The following GRK3 variants were observed in gnomAD, a reference collection of about 807,000 sequenced individuals.
GRK3 encodes adrenergic, beta, receptor kinase 2.
A neutral mutation model predicts 95.7 loss-of-function variants in GRK3; 54 were observed. The ratio of observed to expected loss-of-function variants is 0.56; its 90% CI spans 0.45 to 0.71. GRK3 has a LOEUF of 0.71. Among genes scored for constraint, GRK3 ranks in the 30% least tolerant of loss-of-function variants. The pLI is 0.00. For synonymous variants in GRK3, 281 were observed against 290.8 expected (o/e 0.97, Z 0.34); for missense variants, 649 against 851.2 (o/e 0.76, Z 2.96).
intron 2 of GRK3, among the ~76,000 whole-genome samples, chr22:25,613,324 C>A (rs1031828092): frequency 1.3e-5 from 2 of 151,292 alleles, no homozygotes; most frequent in Non-Finnish European, 2.9e-5. Flanking sequence ...CAGTTCCCAC[C>A]CTGCCTTATC....
At chr22:25,678,011 A>T (rs894463092) in intron 8 of GRK3, among the ~76,000 whole-genome samples, 1 of 152,218 alleles carries the variant, frequency 6.6e-6, no homozygotes, top group Non-Finnish European at 1.5e-5. Context: ...TCTTTGTATT[A>T]TTTAAAACGT....
rs374426741 is a variant in GRK3 at position 25,696,344 on chromosome 22, A to G, written c.1160+1130A>G. Among the ~76,000 whole-genome samples, 52 of 152,292 alleles carry G rather than the reference A, an allele frequency of 3.4e-4. No individual in the cohort carries two copies. In the South Asian group the frequency reaches 9.7e-3, roughly 29 times the overall value. On this transcript the variant is annotated intron_variant, in intron 13 of 20. Coordinates refer to ENST00000324198, the MANE Select transcript of GRK3 (RefSeq NM_005160.4). ...ATGCTGAAATTAATTTGTCTTTTAA[A>G]GCTAGTAGTATACTTGGCCCTTGTT...
chr22:25,599,408 T>C (rs1168153388), intron 1 of GRK3, among the ~76,000 whole-genome samples: 1 of 151,804 alleles, frequency 6.6e-6, no homozygotes, highest in African/African-American at 2.4e-5. Context: ...TTGGCTAACA[T>C]GGTGAAACCC....
intron 1 of GRK3, among the ~76,000 whole-genome samples, chr22:25,571,341 C>T (rs1361812700): frequency 6.6e-6 from 1 of 152,162 alleles, no homozygotes. Flanking sequence ...TTTAGTTTCT[C>T]CATCAGTAAA....
intron 17 of GRK3, 49 bp from the exon 18 acceptor site, chr22:25,714,359 T>C (rs772942925): frequency 1.9e-6 from 3 of 1,556,322 alleles, no homozygotes; most frequent in Non-Finnish European, 2.6e-6. Flanking sequence ...GACTCTTACC[T>C]TTGTAAGTAT....
intron 15 of GRK3, among the ~76,000 whole-genome samples, chr22:25,709,602 G>C (rs1220515051): frequency 6.6e-6 from 1 of 152,072 alleles, no homozygotes; most frequent in Non-Finnish European, 1.5e-5. Context: ...ATTATTGTGT[G>C]TGTGTGTGTG....
At chr22:25,717,116 C>T (rs1259275752) in intron 18 of GRK3, among the ~76,000 whole-genome samples, 1 of 152,146 alleles carries the variant, frequency 6.6e-6, no homozygotes, top group African/African-American at 2.4e-5. Context: ...GTAGCATTTA[C>T]ACTGTATTAG....
chr22:25,663,739 A>G (rs771509327), intron 5 of GRK3, 35 bp downstream of exon 5: 1 of 1,473,604 alleles, frequency 6.8e-7, no homozygotes, highest in South Asian at 1.2e-5. Context: ...AATAGATAAT[A>G]TTTGCTTAAC....
At chr22:25,648,650 A>C (rs1035083161) in intron 3 of GRK3, 2 of 1,012,344 alleles carry the variant, frequency 2.0e-6, no homozygotes, top group East Asian at 4.8e-5. Flanking sequence ...TTGTCACTGA[A>C]TTGATGTCAA....
intron 3 of GRK3, among the ~76,000 whole-genome samples, chr22:25,654,829 C>G (rs971207254): frequency 2.0e-5 from 3 of 152,122 alleles, no homozygotes; most frequent in African/African-American, 4.8e-5. Flanking sequence ...ATTGGTGTTT[C>G]TCTTAGCTGG....
intron 2 of GRK3, among the ~76,000 whole-genome samples, chr22:25,611,669 T>C (rs543655104): frequency 6.6e-6 from 1 of 152,290 alleles, no homozygotes; most frequent in Admixed American, 6.5e-5. Context: ...TGGATTGTCT[T>C]TATGTTATTT....
chr22:25,701,800 T>C (rs1386295771), intron 13 of GRK3, among the ~76,000 whole-genome samples: 1 of 152,164 alleles, frequency 6.6e-6, no homozygotes, highest in African/African-American at 2.4e-5. Context: ...TGGAAACAGC[T>C]AAGTGTCAAG....
At chr22:25,674,810 G>A (rs561884397) in intron 8 of GRK3, among the ~76,000 whole-genome samples, 422 of 152,220 alleles carry the variant, frequency 2.8e-3, no homozygotes, top group African/African-American at 9.7e-3. Context: ...TTAGCCGGGC[G>A]CAGTGGCGGG....
chr22:25,629,122 G>A (rs960074963), intron 2 of GRK3, among the ~76,000 whole-genome samples: 2 of 152,170 alleles, frequency 1.3e-5, no homozygotes, highest in Non-Finnish European at 2.9e-5. Context: ...AAAATGGTAA[G>A]AACCCAGTGC....
chr22:25,718,339 CT>C lies in GRK3; in HGVS notation c.1752del (p.Pro585GlnfsTer17), dbSNP rs1199080018. On this transcript the variant is annotated frameshift_variant, in exon 19 of 21. Transcript: ENST00000324198. LOFTEE classifies it high-confidence loss of function. ...AGTGGCAGCGTCGCTATTTTTACCT[CT>C]TTCCAAATAGACTTGAATGGAGAGG... The part of the protein sequence containing the change: ...TQWQRRYFYL[F>X]PNRLEWRGEG... 1 of 1,614,014 alleles carries C rather than the reference CT, an allele frequency of 6.2e-7. No individual in the cohort carries two copies. Among genetic ancestry groups the C allele is most frequent in the African/African-American group, 1.3e-5 (1 of 74,924 alleles).
At position 25,681,470 on chromosome 22, in the gene GRK3, G is replaced by A. The variant is rs544486774; in HGVS notation, c.747+2555G>A. 3.3e-5 allele frequency among the ~76,000 whole-genome samples: 5 copies of A among 152,036 alleles called. No homozygotes were observed. The South Asian group carries it at 1.0e-3, about 32-fold the overall frequency. Reference sequence around the variant, plus strand: ...TGAGCCCAGGCACGTGAGGTTGGGGGAATCAGATGAGGGGCCAGGGTCTGC... The same window carrying A: ...TGAGCCCAGGCACGTGAGGTTGGGGAAATCAGATGAGGGGCCAGGGTCTGC... On this transcript the variant is annotated intron_variant, in intron 9 of 20. Coordinates refer to ENST00000324198, the MANE Select transcript of GRK3 (RefSeq NM_005160.4).
At chr22:25,670,104 G>GA (rs1310762468) in intron 6 of GRK3, among the ~76,000 whole-genome samples, 1 of 152,182 alleles carries the variant, frequency 6.6e-6, no homozygotes, top group Non-Finnish European at 1.5e-5. Context: ...TAGATTCATT[G>GA]AAAAAAAGAT....
chr22:25,610,390 C>T (rs1001033347), intron 2 of GRK3, among the ~76,000 whole-genome samples: 3 of 152,076 alleles, frequency 2.0e-5, no homozygotes, highest in African/African-American at 7.2e-5. Flanking sequence ...TTTCTTAAGC[C>T]TTGGATTTCG....
At chr22:25,606,530 C>T (rs371478716) in intron 2 of GRK3, among the ~76,000 whole-genome samples, 23 of 152,264 alleles carry the variant, frequency 1.5e-4, no homozygotes, top group Non-Finnish European at 2.8e-4. Context: ...TTCCAGGTTC[C>T]GTTTGCGCCT....
Sources: allele counts gnomAD v4.1 joint callset (sites outside exome capture counted in the v4.1 genomes callset), GRCh38; gene constraint gnomAD v4.1.1; transcripts MANE v1.5; gene names NCBI Gene and HGNC (gene_info 2026-07-23, HGNC 2026-07-21).